Variants in ARID4A observed in about 807,000 individuals in gnomAD.
ARID4A encodes the protein AT-rich interaction domain 4A.
In ARID4A, 39 loss-of-function variants were observed where a neutral mutation model predicts 148.6. The ratio of observed to expected loss-of-function variants is 0.26; its 90% CI spans 0.20 to 0.34. ARID4A has a LOEUF of 0.34. Among genes scored for constraint, ARID4A ranks in the 10% least tolerant of loss-of-function variants. The pLI is 1.00. For missense variants in ARID4A, 1,265 were observed against 1,449.1 expected (o/e 0.87, Z 2.06); for synonymous variants, 475 against 481.2 (o/e 0.99, Z 0.17).
intron 4 of ARID4A, among the ~76,000 whole-genome samples, chr14:58,305,474 TATATC>T (rs1473661129): frequency 3.3e-5 from 5 of 152,300 alleles, no homozygotes; most frequent in East Asian, 3.9e-4. Context: ...ATAAATCTGT[TATATC>T]AGAGTACCAC....
intron 5 of ARID4A, among the ~76,000 whole-genome samples, chr14:58,316,571 A>C (rs574814713): frequency 1.3e-5 from 2 of 151,918 alleles, no homozygotes; most frequent in South Asian, 4.1e-4. Context: ...ATAGTCAAGT[A>C]GTACGATTTT....
chr14:58,344,625 C>T (rs1398059841), intron 11 of ARID4A, 70 bp from the exon 12 acceptor site: 2 of 1,174,108 alleles, frequency 1.7e-6, no homozygotes, highest in African/African-American at 3.2e-5. Context: ...ATTGGGTTCA[C>T]AAAAATAAAA....
chr14:58,306,076 A>G lies in ARID4A; in HGVS notation c.238A>G (p.Ile80Val). 6.2e-7 allele frequency: 1 copy of G among 1,613,778 alleles called. No individual in the cohort carries two copies. The highest frequency in any genetic ancestry group is 1.1e-5 in the South Asian group (1 of 91,078). Reference sequence around the variant, plus strand: ...TGATGGATCTTTTCAGGAAGCTATTATCAGCAAGTTGACAGATGCTAGTTG... The same window carrying G: ...TGATGGATCTTTTCAGGAAGCTATTGTCAGCAAGTTGACAGATGCTAGTTG... ...TSDGSFQEAI[I>V]SKLTDASWYT... Residue 80 changes from isoleucine to valine, a missense_variant, in exon 5 of 24, where the codon ATC (isoleucine) becomes GTC (valine). Coordinates refer to ENST00000355431, the MANE Select transcript of ARID4A (RefSeq NM_002892.4).
intron 15 of ARID4A, among the ~76,000 whole-genome samples, chr14:58,348,107 A>T (rs767611470): frequency 2.0e-5 from 3 of 152,078 alleles, no homozygotes; most frequent in Non-Finnish European, 2.9e-5. Context: ...CTTGTCTGGG[A>T]TGAATCCCAG....
rs575226683 is a variant in ARID4A, at chr14:58,347,691, A to T, written c.1217A>T (p.Gln406Leu). 5.0e-6 allele frequency: 8 copies of T among 1,609,654 alleles called. No individual in the cohort carries two copies. Among genetic ancestry groups the T allele is most frequent in the Non-Finnish European group, 6.8e-6 (8 of 1,178,098 alleles). ...GAGTACTGCCGTTCGGCAAATATTC[A>T]GTTCAGAACTGTTCATCACCATGAA... ...FEEYCRSANI[Q>L]FRTVHHHEPK... The change falls in exon 15 of 24, where the codon CAG becomes CTG. Residue 406 changes from glutamine to leucine, a missense_variant. By Grantham distance (113) the Gln-to-Leu change is moderately radical. Coordinates refer to ENST00000355431, the MANE Select transcript of ARID4A (RefSeq NM_002892.4).
chr14:58,316,406 T>C (rs960912070), intron 5 of ARID4A, among the ~76,000 whole-genome samples: 6 of 152,214 alleles, frequency 3.9e-5, no homozygotes, highest in Non-Finnish European at 8.8e-5. Context: ...GAGCATTTTC[T>C]TTTTAATAAA....
intron 13 of ARID4A, 30 bp downstream of exon 13, chr14:58,346,535 T>C: frequency 6.8e-7 from 1 of 1,470,350 alleles, no homozygotes; most frequent in Non-Finnish European, 9.5e-7. Flanking sequence ...TTGAAACATG[T>C]ATTGATGTGG....
intron 11 of ARID4A, among the ~76,000 whole-genome samples, chr14:58,332,635 T>A (rs2033592240): frequency 6.6e-6 from 1 of 152,154 alleles, no homozygotes; most frequent in African/African-American, 2.4e-5. Flanking sequence ...AGGAGGGGAA[T>A]GACTATGATG....
Position 58,347,100 on chromosome 14 carries a change from A to G in ARID4A, c.1155A>G (p.Val385=), listed in dbSNP as rs746841581. ...TGAATTCAGCTGCTTCCTACAATGTAAAAACTGCTTATAGAAAGTAAGTAG... is the reference window on the plus strand; with the variant it reads ...TGAATTCAGCTGCTTCCTACAATGTGAAAACTGCTTATAGAAAGTAAGTAG... The part of the protein sequence containing the change: ...PILNSAASYN[V]KTAYRKYLYG... Residue 385 remains valine, a synonymous_variant, in exon 14 of 24, where the codon GTA becomes GTG. Coordinates refer to ENST00000355431, the MANE Select transcript of ARID4A (RefSeq NM_002892.4). 1 of 1,573,054 alleles carries G rather than the reference A, an allele frequency of 6.4e-7. No homozygotes were observed. Among genetic ancestry groups the G allele is most frequent in the Non-Finnish European group, 8.6e-7 (1 of 1,157,970 alleles).
intron 7 of ARID4A, among the ~76,000 whole-genome samples, chr14:58,323,162 A>AC (rs2033009286): frequency 6.9e-6 from 1 of 143,902 alleles, no homozygotes; most frequent in Non-Finnish European, 1.5e-5. Context: ...GGGCAATCTT[A>AC]AAAAAAAAAA....
chr14:58,307,772 A>T (rs923932825), intron 5 of ARID4A, among the ~76,000 whole-genome samples: 10 of 152,210 alleles, frequency 6.6e-5, no homozygotes, highest in African/African-American at 2.4e-4. Context: ...GTAAGCCTAG[A>T]TTGTGCCATT....
At chr14:58,353,014 T>C (rs2034707765) in intron 16 of ARID4A, among the ~76,000 whole-genome samples, 1 of 152,110 alleles carries the variant, frequency 6.6e-6, no homozygotes, top group African/African-American at 2.4e-5. Context: ...ATACTCAAAT[T>C]TCTTTTCTTT....
At chr14:58,365,933 G>T (rs1194960786) in intron 21 of ARID4A, 91 bp from the exon 22 acceptor site, 3 of 1,120,640 alleles carry the variant, frequency 2.7e-6, no homozygotes, top group Non-Finnish European at 3.8e-6. Context: ...ATTTCTGTAG[G>T]ATACCAAGAA....
At chr14:58,308,728 C>T (rs1373057277) in intron 5 of ARID4A, among the ~76,000 whole-genome samples, 1 of 152,188 alleles carries the variant, frequency 6.6e-6, no homozygotes, top group African/African-American at 2.4e-5. Flanking sequence ...TACTACCTAC[C>T]TATTAGGTGT....
At chr14:58,360,633 A>T (rs1393044918) in intron 18 of ARID4A, among the ~76,000 whole-genome samples, 1 of 152,222 alleles carries the variant, frequency 6.6e-6, no homozygotes, top group Non-Finnish European at 1.5e-5. Flanking sequence ...TACAAATTGT[A>T]CAATATTGTA....
chr14:58,304,162 TTGA>T (rs2031421218), intron 3 of ARID4A, among the ~76,000 whole-genome samples: 1 of 152,210 alleles, frequency 6.6e-6, no homozygotes, highest in African/African-American at 2.4e-5. Context: ...TTCAGTTTTC[TTGA>T]TGAACCTTCA....
chr14:58,353,510 T>C (rs1191441041), intron 16 of ARID4A, 148 bp from the exon 17 acceptor site: 2 of 663,438 alleles, frequency 3.0e-6, no homozygotes, highest in African/African-American at 1.8e-5. Context: ...ACAGAAATCT[T>C]CTCCTTCTCC....
At chr14:58,350,937 G>T (rs531487073) in intron 15 of ARID4A, 136 bp from the exon 16 acceptor site, 5 of 700,340 alleles carry the variant, frequency 7.1e-6, no homozygotes, top group Admixed American at 7.4e-5. Context: ...GAAGAGAAAG[G>T]TACCTTTGAG....
intron 5 of ARID4A, among the ~76,000 whole-genome samples, chr14:58,311,467 G>T (rs2032026715): frequency 6.6e-6 from 1 of 152,130 alleles, no homozygotes; most frequent in South Asian, 2.1e-4. Context: ...GGAGAAAAGG[G>T]AATCCTTGCC....
Sources: allele counts gnomAD v4.1 joint callset (sites outside exome capture counted in the v4.1 genomes callset), GRCh38; gene constraint gnomAD v4.1.1; transcripts MANE v1.5; gene names NCBI Gene and HGNC (gene_info 2026-07-23, HGNC 2026-07-21).